The following CFAP299 variants were observed in gnomAD, a reference collection of about 807,000 sequenced individuals.
The protein encoded by CFAP299 is cilia- and flagella-associated protein 299.
CFAP299 carries 21 observed loss-of-function variants against 27.0 expected under a neutral mutation model. That is an observed-to-expected ratio of 0.78 (90% confidence interval 0.55 to 1.12). The LOEUF (loss-of-function observed/expected upper bound fraction) is 1.12. Ranked by LOEUF, CFAP299 falls within the 50% of genes most tolerant of loss-of-function variation. The probability of loss-of-function intolerance (pLI) is 0.00; values close to 1 mark genes in which losing one functional copy is unlikely to be tolerated. For missense variants in CFAP299, 310 were observed against 276.6 expected (o/e 1.12, Z -0.86); for synonymous variants, 104 against 98.1 (o/e 1.06, Z -0.36).
intron 3 of CFAP299, among the ~76,000 whole-genome samples, chr4:80,784,899 T>G (rs958261908): frequency 6.6e-6 from 1 of 152,164 alleles, no homozygotes; most frequent in Non-Finnish European, 1.5e-5. Flanking sequence ...AGGTTATTTG[T>G]TTTTTTCCTA....
intron 2 of CFAP299, among the ~76,000 whole-genome samples, chr4:80,549,395 G>A (rs77531396): frequency 0.019 from 2,914 of 152,204 alleles, 92 homozygotes; most frequent in African/African-American, 0.065. Context: ...AAAGAAGGCA[G>A]TATCAATCAA....
intron 3 of CFAP299, among the ~76,000 whole-genome samples, chr4:80,767,127 C>CAAT (rs1230986717): frequency 6.6e-6 from 1 of 151,966 alleles, no homozygotes; most frequent in African/African-American, 2.4e-5. Flanking sequence ...ATACAAAATA[C>CAAT]ATACATTGTA....
intron 4 of CFAP299, among the ~76,000 whole-genome samples, chr4:80,890,511 CA>C (rs1734212492): frequency 3.3e-5 from 5 of 151,898 alleles, no homozygotes; most frequent in Non-Finnish European, 5.9e-5. Context: ...AATAGTGCCG[CA>C]ATAAACATAC....
At chr4:80,519,174 TAATA>T (rs1732768660) in intron 2 of CFAP299, among the ~76,000 whole-genome samples, 1 of 138,948 alleles carries the variant, frequency 7.2e-6, no homozygotes, top group African/African-American at 3.2e-5. Flanking sequence ...TGTACTCTGT[TAATA>T]TGTGTGTGTG....
chr4:80,901,789 T>G lies in CFAP299; in HGVS notation c.476+31654T>G, dbSNP rs1734912668. Among the ~76,000 whole-genome samples the G allele has an allele frequency of 2.0e-5, 3 of 152,106 alleles. 1 individual carries two copies. The South Asian group carries it at 6.2e-4, about 32-fold the overall frequency. On this transcript the variant is annotated intron_variant, in intron 4 of 5. Transcript: ENST00000358105. ...TACCTACTTTAGTTTTGAATATGAC[T>G]AGAGACTTATTAAGCCTAAAATTTC...
Position 80,390,928 on chromosome 4 carries a change from T to TATACACAC in CFAP299, c.242+28047_242+28048insCACACATA, listed in dbSNP as rs1725428672. 4.0e-3 allele frequency among the ~76,000 whole-genome samples: 122 copies of TATACACAC among 30,610 alleles called. 3 individuals are homozygous for TATACACAC. The highest frequency in any genetic ancestry group is 6.1e-3 in the African/African-American group (107 of 17,608). The allele number at this position is 30,610 out of a possible 152,430, so 20.1% of individuals were successfully genotyped here. ...ATATATGTATATACACACATATGTA[T>TATACACAC]ATATGTATATATGTATGTACACACA... On this transcript the variant is annotated intron_variant, in intron 2 of 5. Coordinates refer to ENST00000358105, the MANE Select transcript of CFAP299 (RefSeq NM_152770.3).
At chr4:80,828,899 T>C (rs1330275192) in intron 3 of CFAP299, among the ~76,000 whole-genome samples, 2 of 151,976 alleles carry the variant, frequency 1.3e-5, no homozygotes, top group Non-Finnish European at 2.9e-5. Context: ...AAAAATGAAG[T>C]TGGACTCTTA....
chr4:80,323,897 G>A, the CFAP299 span, among the ~76,000 whole-genome samples: 1 of 152,286 alleles, frequency 6.6e-6, no homozygotes, highest in Non-Finnish European at 1.5e-5. Context: ...TAGTCACATT[G>A]TTTTTGATAG....
intron 4 of CFAP299, among the ~76,000 whole-genome samples, chr4:80,875,403 T>A (rs1388496719): frequency 6.6e-6 from 1 of 152,174 alleles, no homozygotes; most frequent in African/African-American, 2.4e-5. Context: ...GGCTCACGCC[T>A]GTAATCCCAG....
chr4:80,961,602 C>T (rs1355232834), intron 5 of CFAP299, among the ~76,000 whole-genome samples: 1 of 151,690 alleles, frequency 6.6e-6, no homozygotes, highest in Admixed American at 6.6e-5. Context: ...AAATATTATG[C>T]ACTCATCCAA....
At chr4:80,355,874 G>T (rs1723248418) in intron 1 of CFAP299, among the ~76,000 whole-genome samples, 3 of 152,054 alleles carry the variant, frequency 2.0e-5, no homozygotes. Flanking sequence ...TGCTTTTGTT[G>T]CAGTTGCTTT....
At chr4:80,891,830 G>GAAAAAAAAAAAAAA (rs35425830) in intron 4 of CFAP299, among the ~76,000 whole-genome samples, 2 of 53,994 alleles carry the variant, frequency 3.7e-5, no homozygotes, top group African/African-American at 1.3e-4. Context: ...TAGATTAAAG[G>GAAAAAAAAAAAAAA]AAAAAAAAAA....
At chr4:80,386,960 C>A in intron 2 of CFAP299, 1 of 927,260 alleles carries the variant, frequency 1.1e-6, no homozygotes, top group East Asian at 2.4e-5. Context: ...GCCGGGAGGA[C>A]TTCTTGCACA....
intron 3 of CFAP299, among the ~76,000 whole-genome samples, chr4:80,853,374 C>A (rs1256492630): frequency 6.6e-6 from 1 of 152,078 alleles, no homozygotes; most frequent in African/African-American, 2.4e-5. Context: ...GAAATAAGTA[C>A]CAAGATAGAT....
intron 3 of CFAP299, among the ~76,000 whole-genome samples, chr4:80,799,667 ATAAATATATAT>A (rs1560417039): frequency 1.2e-3 from 22 of 18,458 alleles, no homozygotes; most frequent in African/African-American, 4.8e-3. Flanking sequence ...ATTATATTTT[ATAAATATATAT>A]TTATAAATAT....
At chr4:80,773,457 A>G (rs1208927597) in intron 3 of CFAP299, among the ~76,000 whole-genome samples, 2 of 152,156 alleles carry the variant, frequency 1.3e-5, no homozygotes, top group African/African-American at 4.8e-5. Flanking sequence ...CATAGTAACT[A>G]AAACAAGTGG....
chr4:80,701,104 C>T (rs1334148234), intron 3 of CFAP299, among the ~76,000 whole-genome samples: 1 of 151,894 alleles, frequency 6.6e-6, no homozygotes, highest in Non-Finnish European at 1.5e-5. Flanking sequence ...TGCTATTTTG[C>T]CTTCCATACT....
chr4:80,635,446 A>G (rs376988373), intron 3 of CFAP299, among the ~76,000 whole-genome samples: 21 of 152,236 alleles, frequency 1.4e-4, no homozygotes, highest in African/African-American at 5.1e-4. Context: ...ACTCTCCCAC[A>G]TTACTTCCTT....
intron 2 of CFAP299, among the ~76,000 whole-genome samples, chr4:80,574,403 G>T (rs1735744738): frequency 6.6e-6 from 1 of 152,052 alleles, no homozygotes; most frequent in Non-Finnish European, 1.5e-5. Context: ...TGCAAACAAG[G>T]ATAATTTGAC....
Sources: gnomAD v4.1 joint callset for allele counts (sites outside exome capture counted in the v4.1 genomes callset) on GRCh38, gnomAD v4.1.1 for gene constraint, MANE v1.5 for transcripts, NCBI Gene and HGNC (gene_info 2026-07-23, HGNC 2026-07-21) for gene names.